CDC42BPA: variants seen among roughly 807,000 people sequenced by gnomAD.
The protein encoded by CDC42BPA is CDC42 binding protein kinase alpha.
A neutral mutation model predicts 223.5 loss-of-function variants in CDC42BPA; 80 were observed. That is an observed-to-expected ratio of 0.36 (90% confidence interval 0.30 to 0.43). The LOEUF (loss-of-function observed/expected upper bound fraction) is 0.43. Ranked by LOEUF, CDC42BPA falls within the 20% of genes least tolerant of loss-of-function variation. The pLI, the probability that CDC42BPA is intolerant of heterozygous loss-of-function variation, is 1.00. For synonymous variants in CDC42BPA, 694 were observed against 718.6 expected, an observed-to-expected ratio of 0.97 and a Z score of 0.55; for missense variants, 1,743 against 2,099.9, an observed-to-expected ratio of 0.83 and a Z score of 3.32.
chr1:227,069,864 G>A lies in CDC42BPA; in HGVS notation c.2828-11C>T. Reference sequence around the variant, plus strand: ...CTTGGTGCTCTATACCTAGAAGACAGCAGCAACTTTTTTTAAGGCTACAAC... The same window carrying A: ...CTTGGTGCTCTATACCTAGAAGACAACAGCAACTTTTTTTAAGGCTACAAC... On this transcript the variant is annotated splice_polypyrimidine_tract_variant and intron_variant, in intron 20 of 36. Transcript: ENST00000366766. 1 of 1,598,822 alleles carries A rather than the reference G, an allele frequency of 6.3e-7. No individual in the cohort carries two copies. The highest frequency in any genetic ancestry group is 8.6e-7 in the Non-Finnish European group (1 of 1,168,532).
intron 5 of CDC42BPA, among the ~76,000 whole-genome samples, chr1:227,190,712 G>C (rs1186692104): frequency 6.6e-6 from 1 of 152,140 alleles, no homozygotes; most frequent in East Asian, 1.9e-4. Context: ...ACTTATAAAA[G>C]AGGACTCAAA....
At chr1:227,063,784 T>A (rs1011382972) in intron 21 of CDC42BPA, among the ~76,000 whole-genome samples, 3 of 152,166 alleles carry the variant, frequency 2.0e-5, no homozygotes, top group African/African-American at 7.2e-5. Context: ...AATTCTCACA[T>A]ACAATTGACC....
intron 21 of CDC42BPA, among the ~76,000 whole-genome samples, chr1:227,055,503 T>C (rs1238025480): frequency 6.6e-6 from 1 of 152,172 alleles, no homozygotes; most frequent in Non-Finnish European, 1.5e-5. Context: ...TGATTCAGTT[T>C]AATTATGAAT....
chr1:227,011,892 C>A (rs954327900), intron 34 of CDC42BPA, among the ~76,000 whole-genome samples: 2 of 152,114 alleles, frequency 1.3e-5, no homozygotes, highest in Non-Finnish European at 2.9e-5. Flanking sequence ...ATGATCCCTT[C>A]ATTAGAGGCA....
chr1:227,162,176 T>C (rs1463800925), intron 5 of CDC42BPA, among the ~76,000 whole-genome samples: 2 of 152,082 alleles, frequency 1.3e-5, no homozygotes, highest in Non-Finnish European at 2.9e-5. Context: ...CAATAATATC[T>C]TTGCTTATTT....
Position 227,073,906 on chromosome 1 carries a change from T to C in CDC42BPA, c.2693A>G (p.Glu898Gly). 1 of 1,610,400 alleles carries C rather than the reference T, an allele frequency of 6.2e-7. No homozygotes were observed. Among genetic ancestry groups the C allele is most frequent in the Non-Finnish European group, 8.5e-7 (1 of 1,178,864 alleles). The change falls in exon 19 of 37, where the codon GAA becomes GGA. Residue 898 changes from glutamate (E) to glycine (G), a missense_variant. Coordinates refer to ENST00000366766, the MANE Select transcript of CDC42BPA (RefSeq NM_001394014.1). ...AGATGCTTTAACTTTATTCAACTCT[T>C]CTTGGATGGCCTGTTTGGCTCTTAT... ...AEIRAKQAIQEELNKVKASNI... is the reference protein window; with the variant it reads ...AEIRAKQAIQGELNKVKASNI...
intron 2 of CDC42BPA, among the ~76,000 whole-genome samples, chr1:227,247,762 G>C (rs1681242573): frequency 6.6e-6 from 1 of 151,416 alleles, no homozygotes; most frequent in Non-Finnish European, 1.5e-5. Flanking sequence ...TGCACCTGTA[G>C]TCCCAGCTAC....
chr1:227,033,475 G>A, intron 26 of CDC42BPA, 60 bp from the exon 27 acceptor site: 3 of 1,134,116 alleles, frequency 2.6e-6, no homozygotes, highest in Non-Finnish European at 4.0e-6. Context: ...GTGGTTTGGG[G>A]TGTGTATCCA....
chr1:227,080,176 A>G (rs550748958), intron 17 of CDC42BPA, among the ~76,000 whole-genome samples: 2 of 152,250 alleles, frequency 1.3e-5, no homozygotes, highest in South Asian at 4.1e-4. Flanking sequence ...GATATAAATT[A>G]AACACCTACC....
Position 227,005,004 on chromosome 1 carries a change from G to A in CDC42BPA, c.4965C>T (p.Gly1655=). 2 of 1,612,498 alleles carry A rather than the reference G, an allele frequency of 1.2e-6. No homozygotes were observed. The highest frequency in any genetic ancestry group is 1.1e-5 in the South Asian group (1 of 91,048). The change falls in exon 35 of 37, where the codon GGC becomes GGT. Residue 1655 remains glycine, a synonymous_variant. Transcript: ENST00000366766. ...AGCCCCGGCACTTACTTGCTGACAA[G>A]CCACTGCTAGCACTCATGGAGCGGC... is the stretch of plus-strand genomic sequence containing the variant. ...EPGRSMSASS[G]LSARSSAQNG... is the part of the protein sequence containing the mutation.
intron 17 of CDC42BPA, 25 bp from the exon 18 acceptor site, chr1:227,074,389 A>G (rs1272727531): frequency 6.4e-7 from 1 of 1,553,024 alleles, no homozygotes; most frequent in Admixed American, 1.8e-5. Flanking sequence ...GACAAAGTAC[A>G]AAAGTAAAAC....
At chr1:227,235,072 C>T (rs960305143) in intron 2 of CDC42BPA, 2 of 152,142 alleles carry the variant, frequency 1.3e-5, no homozygotes, top group Non-Finnish European at 2.9e-5. Context: ...CTGATATTTA[C>T]AAGAATGGTC....
At chr1:226,998,579 A>T (rs1572146409) in intron 35 of CDC42BPA, among the ~76,000 whole-genome samples, 1 of 152,266 alleles carries the variant, frequency 6.6e-6, no homozygotes, top group Non-Finnish European at 1.5e-5. Flanking sequence ...TGTTGGGAAA[A>T]CTGGCTAGCC....
chr1:227,177,831 A>T (rs1026834526), intron 5 of CDC42BPA, among the ~76,000 whole-genome samples: 8 of 151,958 alleles, frequency 5.3e-5, no homozygotes, highest in Admixed American at 5.2e-4. Flanking sequence ...TCATTTTTTC[A>T]ATCTTTTTGT....
At position 227,098,388 on chromosome 1, in the gene CDC42BPA, C is replaced by CTATA. The variant is rs1487366301; in HGVS notation, c.2249+2600_2249+2603dup. ...CTCCTGCCCCCAAATCCAGGCTGGT[C>CTATA]TATACATCAGCCTATTTGACATCTC... is the stretch of plus-strand genomic sequence containing the variant. On this transcript the variant is annotated intron_variant, in intron 15 of 36. Coordinates refer to ENST00000366766, the MANE Select transcript of CDC42BPA (RefSeq NM_001394014.1). Among the ~76,000 whole-genome samples the CTATA allele has an allele frequency of 4.6e-5, 7 of 152,244 alleles. No homozygotes were observed. The East Asian group carries it at 1.4e-3, about 29-fold the overall frequency.
intron 20 of CDC42BPA, 53 bp downstream of exon 20, chr1:227,072,155 A>G (rs1474096052): frequency 4.2e-6 from 4 of 961,814 alleles, no homozygotes; most frequent in Non-Finnish European, 6.4e-6. Context: ...GTAATAAAAT[A>G]TATTTATAAC....
intron 24 of CDC42BPA, among the ~76,000 whole-genome samples, chr1:227,039,413 C>A (rs536662569): frequency 6.6e-6 from 1 of 152,154 alleles, no homozygotes; most frequent in Admixed American, 6.5e-5. Flanking sequence ...GTTGTAATGA[C>A]AAATTTCATT....
intron 34 of CDC42BPA, among the ~76,000 whole-genome samples, chr1:227,008,916 G>A (rs1283849533): frequency 6.6e-6 from 1 of 152,108 alleles, no homozygotes; most frequent in Non-Finnish European, 1.5e-5. Context: ...AATAGTCAAT[G>A]CTAGCAATTC....
intron 24 of CDC42BPA, among the ~76,000 whole-genome samples, chr1:227,038,400 G>T (rs1670736412): frequency 6.6e-6 from 1 of 152,156 alleles, no homozygotes; most frequent in South Asian, 2.1e-4. Flanking sequence ...ATGCCTTAAA[G>T]AAATCAGCAG....
Sources: allele counts gnomAD v4.1 joint callset (sites outside exome capture counted in the v4.1 genomes callset), GRCh38; gene constraint gnomAD v4.1.1; transcripts MANE v1.5; gene names NCBI Gene and HGNC (gene_info 2026-07-23, HGNC 2026-07-21).